DOCK4: variants seen among roughly 807,000 people sequenced by gnomAD.
DOCK4 encodes the protein dedicator of cytokinesis 4, also known as dedicator of cytokinesis protein 4.
DOCK4 carries 97 observed loss-of-function variants against 268.1 expected under a neutral mutation model. The ratio of observed to expected loss-of-function variants is 0.36; its 90% CI spans 0.31 to 0.43. DOCK4 has a LOEUF of 0.43. Among genes scored for constraint, DOCK4 ranks in the 20% least tolerant of loss-of-function variants. DOCK4 has a pLI of 1.00. For missense variants in DOCK4, 2,145 were observed against 2,455.7 expected (o/e 0.87, Z 2.67); for synonymous variants, 954 against 887.2 (o/e 1.08, Z -1.34).
intron 14 of DOCK4, among the ~76,000 whole-genome samples, chr7:111,901,465 G>A (rs569790236): frequency 9.9e-5 from 15 of 151,674 alleles, no homozygotes; most frequent in South Asian, 6.3e-4. Flanking sequence ...TGAAGACTGC[G>A]TTTTTCTGCT....
chr7:112,023,019 C>T (rs908708638), intron 1 of DOCK4, among the ~76,000 whole-genome samples: 3 of 152,204 alleles, frequency 2.0e-5, no homozygotes, highest in Non-Finnish European at 2.9e-5. Flanking sequence ...AAGGTTCAAG[C>T]GGTTTTTCAG....
intron 26 of DOCK4, among the ~76,000 whole-genome samples, chr7:111,825,569 T>A (rs1390041485): frequency 1.3e-5 from 2 of 152,216 alleles, no homozygotes; most frequent in Admixed American, 1.3e-4. Flanking sequence ...TATTCCTGCT[T>A]GGACAGCACA....
At chr7:111,936,490 ATGGATGG>A (rs1562910776) in intron 11 of DOCK4, among the ~76,000 whole-genome samples, 3 of 90,522 alleles carry the variant, frequency 3.3e-5, no homozygotes, top group African/African-American at 6.3e-5. Context: ...GTATGAATGG[ATGGATGG>A]ATGGATGGAT....
intron 1 of DOCK4, among the ~76,000 whole-genome samples, chr7:112,062,035 A>G (rs1806459959): frequency 6.6e-6 from 1 of 152,240 alleles, no homozygotes; most frequent in African/African-American, 2.4e-5. Flanking sequence ...GCTTACAGAG[A>G]TGACGATAAC....
At chr7:111,800,298 G>GTA (rs1178941278) in intron 30 of DOCK4, among the ~76,000 whole-genome samples, 2 of 150,760 alleles carry the variant, frequency 1.3e-5, no homozygotes, top group Non-Finnish European at 2.9e-5. Context: ...GAAAGTTTAA[G>GTA]TATGTTGTAG....
intron 1 of DOCK4, among the ~76,000 whole-genome samples, chr7:112,197,970 G>GAAAA (rs10525534): frequency 5.4e-5 from 6 of 111,036 alleles, no homozygotes; most frequent in Admixed American, 2.0e-4. Context: ...GACCTGCCTA[G>GAAAA]AAAAAAAAAA....
At chr7:112,205,912 C>A (rs574585090) in intron 1 of DOCK4, among the ~76,000 whole-genome samples, 190 bp downstream of exon 1, 1 of 152,138 alleles carries the variant, frequency 6.6e-6, no homozygotes, top group African/African-American at 2.4e-5. Context: ...GCCGAGCAGG[C>A]GGTGCGGGGC....
At chr7:111,834,817 T>C (rs1304265774) in intron 25 of DOCK4, 131 bp from the exon 26 acceptor site, 11 of 556,248 alleles carry the variant, frequency 2.0e-5, no homozygotes, top group Non-Finnish European at 1.2e-5. Flanking sequence ...ACTTGCCCTG[T>C]GAAGTCTTCT....
chr7:111,919,318 T>C (rs189334983), intron 12 of DOCK4, among the ~76,000 whole-genome samples: 14 of 151,816 alleles, frequency 9.2e-5, no homozygotes, highest in African/African-American at 3.1e-4. Context: ...TAAACAGAAA[T>C]ACATCAGTGT....
chr7:111,953,169 A>G (rs1278419492), intron 8 of DOCK4, among the ~76,000 whole-genome samples: 1 of 151,706 alleles, frequency 6.6e-6, no homozygotes, highest in Non-Finnish European at 1.5e-5. Flanking sequence ...AGAGGTTGCA[A>G]TGAGCTGATA....
At chr7:112,080,328 G>C (rs994499518) in intron 1 of DOCK4, among the ~76,000 whole-genome samples, 3 of 151,974 alleles carry the variant, frequency 2.0e-5, no homozygotes, top group Admixed American at 1.3e-4. Flanking sequence ...TTTTAACTGG[G>C]TATCCTATAA....
intron 36 of DOCK4, among the ~76,000 whole-genome samples, chr7:111,775,026 C>G (rs1461241684): frequency 1.3e-5 from 2 of 152,212 alleles, no homozygotes; most frequent in East Asian, 1.9e-4. Flanking sequence ...CAGAGGCAGA[C>G]AGGTGAGAAA....
chr7:112,012,182 C>G (rs1348562082), intron 1 of DOCK4, among the ~76,000 whole-genome samples: 1 of 151,940 alleles, frequency 6.6e-6, no homozygotes, highest in Non-Finnish European at 1.5e-5. Context: ...GATTCAAAAG[C>G]CAAAATAAGC....
intron 1 of DOCK4, among the ~76,000 whole-genome samples, chr7:112,167,376 G>A (rs377053572): frequency 5.9e-5 from 9 of 152,176 alleles, no homozygotes; most frequent in Non-Finnish European, 7.4e-5. Flanking sequence ...ATTCTTGGCT[G>A]AGGTCACCAG....
intron 32 of DOCK4, among the ~76,000 whole-genome samples, chr7:111,785,775 C>A (rs1327228858): frequency 6.6e-6 from 1 of 152,144 alleles, no homozygotes; most frequent in East Asian, 1.9e-4. Context: ...GCCCATGTGC[C>A]CACATTGAGC....
At chr7:111,808,780 G>A (rs530681816) in intron 30 of DOCK4, 41 bp downstream of exon 30, 42 of 1,585,884 alleles carry the variant, frequency 2.6e-5, no homozygotes, top group African/African-American at 2.4e-4. Context: ...GGTACAGCGA[G>A]GAGCTGTATA....
At chr7:112,115,197 T>A (rs1284220577) in intron 1 of DOCK4, among the ~76,000 whole-genome samples, 1 of 152,216 alleles carries the variant, frequency 6.6e-6, no homozygotes, top group East Asian at 1.9e-4. Flanking sequence ...CGTAAAAGAA[T>A]CACCTGGCAA....
chr7:111,995,675 T>C (rs1430105198), intron 4 of DOCK4, among the ~76,000 whole-genome samples: 3 of 152,218 alleles, frequency 2.0e-5, no homozygotes, highest in African/African-American at 7.2e-5. Flanking sequence ...TGTTCTGTGA[T>C]TCCTTTTTCA....
intron 43 of DOCK4, 108 bp from the exon 44 acceptor site, chr7:111,746,525 C>T: frequency 2.3e-6 from 2 of 856,308 alleles, no homozygotes; most frequent in South Asian, 3.3e-5. Flanking sequence ...CCATTACAAA[C>T]CACATTTTGG....
Sources: allele counts gnomAD v4.1 joint callset (sites outside exome capture counted in the v4.1 genomes callset), GRCh38; gene constraint gnomAD v4.1.1; transcripts MANE v1.5; gene names NCBI Gene and HGNC (gene_info 2026-07-23, HGNC 2026-07-21).